The following TTC27 variants were observed in gnomAD, a reference collection of about 807,000 sequenced individuals.
TTC27 encodes tetratricopeptide repeat protein 27.
TTC27 carries 79 observed loss-of-function variants against 115.9 expected under a neutral mutation model. The observed-to-expected ratio is 0.68, with a 90% CI of 0.57 to 0.82. The LOEUF (loss-of-function observed/expected upper bound fraction) is 0.82. Ranked by LOEUF, TTC27 falls within the 40% of genes least tolerant of loss-of-function variation. TTC27 has a pLI of 0.00. For missense variants in TTC27, 1,054 were observed against 993.1 expected (o/e 1.06, Z -0.82); for synonymous variants, 401 against 356.0 (o/e 1.13, Z -1.42).
At chr2:32,781,837 G>T (rs1401121728) in intron 14 of TTC27, among the ~76,000 whole-genome samples, 1 of 152,174 alleles carries the variant, frequency 6.6e-6, no homozygotes, top group Non-Finnish European at 1.5e-5. Context: ...TGCTAGTTTA[G>T]AATTTGAATA....
intron 9 of TTC27, among the ~76,000 whole-genome samples, chr2:32,690,557 C>T (rs1666775202): frequency 6.6e-6 from 1 of 152,144 alleles, no homozygotes; most frequent in African/African-American, 2.4e-5. Context: ...TAAGGGAGGA[C>T]TTGAGTTGGA....
intron 12 of TTC27, among the ~76,000 whole-genome samples, chr2:32,743,615 C>T (rs1262486561): frequency 1.3e-5 from 2 of 152,160 alleles, no homozygotes; most frequent in South Asian, 2.1e-4. Flanking sequence ...ACTGTTCTAT[C>T]GCAAAATACA....
chr2:32,657,822 A>C (rs62136355), intron 5 of TTC27, among the ~76,000 whole-genome samples: 1 of 152,006 alleles, frequency 6.6e-6, no homozygotes, highest in South Asian at 2.1e-4. Flanking sequence ...TTAAAATGTA[A>C]ATTAAAAAAA....
In TTC27 at chr2:32,736,737, C is replaced by T; in HGVS notation, c.1373C>T (p.Ser458Leu). 1.2e-6 allele frequency: 2 copies of T among 1,614,018 alleles called. No individual in the cohort carries two copies. Among genetic ancestry groups the T allele is most frequent in the Non-Finnish European group, 1.7e-6 (2 of 1,179,944 alleles). Residue 458 changes from serine to leucine, a missense_variant, in exon 12 of 20, where the codon TCA becomes TTA. Transcript: ENST00000317907. Reference sequence around the variant, plus strand: ...CTCTTTGAGTTGGGATGTACCAGTTCAGCCCTTCAGATATTTGAAAAGCTA... The same window carrying T: ...CTCTTTGAGTTGGGATGTACCAGTTTAGCCCTTCAGATATTTGAAAAGCTA... The part of the protein sequence containing the change: ...SLLFELGCTS[S>L]ALQIFEKLEM...
chr2:32,797,733 C>A (rs1670759635), intron 16 of TTC27, among the ~76,000 whole-genome samples: 1 of 152,042 alleles, frequency 6.6e-6, no homozygotes, highest in Admixed American at 6.5e-5. Context: ...ACCAAAAGCA[C>A]AGGCAATAAA....
intron 16 of TTC27, among the ~76,000 whole-genome samples, chr2:32,794,472 C>G (rs1244707899): frequency 6.6e-6 from 1 of 152,066 alleles, no homozygotes; most frequent in Non-Finnish European, 1.5e-5. Flanking sequence ...AAATTTATAA[C>G]TCTAAATGCT....
chr2:32,649,670 C>T (rs1401107001), intron 4 of TTC27, among the ~76,000 whole-genome samples: 3 of 151,788 alleles, frequency 2.0e-5, no homozygotes, highest in Admixed American at 6.6e-5. Flanking sequence ...TCAAGTCTCC[C>T]GAGTAGCTGG....
At chr2:32,654,338 A>C (rs563686534) in intron 5 of TTC27, among the ~76,000 whole-genome samples, 178 of 152,328 alleles carry the variant, frequency 1.2e-3, no homozygotes, top group African/African-American at 4.0e-3. Context: ...GCTTATTCCT[A>C]ACAACTATGA....
intron 12 of TTC27, among the ~76,000 whole-genome samples, chr2:32,749,993 A>G (rs868101960): frequency 6.6e-6 from 1 of 152,208 alleles, no homozygotes; most frequent in Admixed American, 6.5e-5. Flanking sequence ...TGGTTTACTA[A>G]AGGAGTTGAA....
intron 16 of TTC27, among the ~76,000 whole-genome samples, chr2:32,791,830 G>A (rs1253595016): frequency 5.3e-5 from 8 of 152,108 alleles, no homozygotes; most frequent in Admixed American, 2.0e-4. Context: ...AGCTATGATC[G>A]TGCCACCACA....
intron 10 of TTC27, among the ~76,000 whole-genome samples, chr2:32,720,691 A>G (rs1019638203): frequency 1.3e-5 from 2 of 152,166 alleles, no homozygotes; most frequent in African/African-American, 4.8e-5. Context: ...TCAGTACCCT[A>G]TGTGCTCCTA....
At chr2:32,797,104 G>A (rs1284071171) in intron 16 of TTC27, among the ~76,000 whole-genome samples, 1 of 149,648 alleles carries the variant, frequency 6.7e-6, no homozygotes, top group African/African-American at 2.5e-5. Flanking sequence ...AACCTGGGAG[G>A]CAGAGGTTGC....
rs73922799 is a variant in TTC27 at position 32,757,505 on chromosome 2, G to A, written c.1453-787G>A. 2.2e-3 allele frequency among the ~76,000 whole-genome samples: 340 copies of A among 152,138 alleles called. 1 individual carries two copies. The highest frequency in any genetic ancestry group is 7.8e-3 in the African/African-American group (325 of 41,504). ...CTTTATAGCACCTCACAGATACGGC[G>A]CCTTTTACAGATGGAAGGTTTGTGA... On this transcript the variant is annotated intron_variant, in intron 12 of 19. Coordinates refer to ENST00000317907, the MANE Select transcript of TTC27 (RefSeq NM_017735.5).
At chr2:32,729,245 A>G (rs544078595) in intron 10 of TTC27, among the ~76,000 whole-genome samples, 5 of 152,226 alleles carry the variant, frequency 3.3e-5, no homozygotes, top group Non-Finnish European at 5.9e-5. Context: ...ACATATAAAT[A>G]AGTCTAAATC....
At chr2:32,721,955 G>T (rs535170884) in intron 10 of TTC27, among the ~76,000 whole-genome samples, 4 of 152,188 alleles carry the variant, frequency 2.6e-5, no homozygotes, top group Non-Finnish European at 5.9e-5. Flanking sequence ...GGGGATGGCT[G>T]TCAAGCCTAC....
At chr2:32,652,771 A>C (rs1354212563) in intron 5 of TTC27, among the ~76,000 whole-genome samples, 9 of 152,234 alleles carry the variant, frequency 5.9e-5, no homozygotes. Flanking sequence ...GTAATAACTG[A>C]AATACGATTC....
chr2:32,804,503 A>C (rs1671064276), intron 16 of TTC27, among the ~76,000 whole-genome samples: 1 of 152,228 alleles, frequency 6.6e-6, no homozygotes, highest in Admixed American at 6.5e-5. Context: ...ATTATGGTCT[A>C]TCAGTCCAGT....
intron 13 of TTC27, among the ~76,000 whole-genome samples, chr2:32,759,640 A>G (rs1669365832): frequency 6.6e-6 from 1 of 152,202 alleles, no homozygotes; most frequent in African/African-American, 2.4e-5. Context: ...AGTGTTAGGT[A>G]CATTCCCATT....
intron 16 of TTC27, among the ~76,000 whole-genome samples, chr2:32,799,116 G>A (rs1343572312): frequency 1.3e-5 from 2 of 152,170 alleles, no homozygotes; most frequent in African/African-American, 4.8e-5. Flanking sequence ...TTTATGTTAA[G>A]TGAAGTAAAC....
Sources: gnomAD v4.1 joint callset for allele counts (sites outside exome capture counted in the v4.1 genomes callset) on GRCh38, gnomAD v4.1.1 for gene constraint, MANE v1.5 for transcripts, NCBI Gene and HGNC (gene_info 2026-07-23, HGNC 2026-07-21) for gene names.